Variants in RANBP2 observed in about 807,000 individuals in gnomAD.
RANBP2 encodes the protein RAN binding protein 2.
A neutral mutation model predicts 303.6 loss-of-function variants in RANBP2; 57 were observed. The observed-to-expected ratio is 0.19, with a 90% CI of 0.15 to 0.23. The LOEUF (loss-of-function observed/expected upper bound fraction) is 0.23, where lower values mean the gene tolerates loss of function less well. Among genes scored for constraint, RANBP2 ranks in the 10% least tolerant of loss-of-function variants. The pLI, the probability that RANBP2 is intolerant of heterozygous loss-of-function variation, is 1.00. For synonymous variants in RANBP2, 1,167 were observed against 1,301.5 expected, an observed-to-expected ratio of 0.90 and a Z score of 2.23; for missense variants, 3,138 against 3,780.8, an observed-to-expected ratio of 0.83 and a Z score of 4.46.
chr2:109,065,813 T>C, the RANBP2 span, among the ~76,000 whole-genome samples: 3 of 152,234 alleles, frequency 2.0e-5, no homozygotes, highest in Non-Finnish European at 4.4e-5. Flanking sequence ...GAGCTTCCTG[T>C]CATCTGCCTC....
At chr2:109,673,891 A>C in the RANBP2 span, among the ~76,000 whole-genome samples, 1 of 151,978 alleles carries the variant, frequency 6.6e-6, no homozygotes, top group Admixed American at 6.6e-5. Flanking sequence ...TTCCCCCTTC[A>C]TTTTGGCTAT....
At chr2:109,739,664 T>C in the RANBP2 span, among the ~76,000 whole-genome samples, 1 of 152,186 alleles carries the variant, frequency 6.6e-6, no homozygotes, top group South Asian at 2.1e-4. Context: ...TCATATCACC[T>C]GCAAACAAGG....
the RANBP2 span, among the ~76,000 whole-genome samples, chr2:109,232,033 T>C: frequency 1.2e-4 from 18 of 152,234 alleles, no homozygotes; most frequent in African/African-American, 3.6e-4. Flanking sequence ...ATCCGTTCAT[T>C]AGATGATGGA....
the RANBP2 span, among the ~76,000 whole-genome samples, chr2:109,656,000 T>C: frequency 2.6e-5 from 4 of 152,182 alleles, no homozygotes; most frequent in Non-Finnish European, 5.9e-5. Flanking sequence ...CAGTTTTGAT[T>C]TGTAAACTGC....
At chr2:109,137,561 A>G in the RANBP2 span, among the ~76,000 whole-genome samples, 3 of 152,244 alleles carry the variant, frequency 2.0e-5, no homozygotes, top group Non-Finnish European at 1.5e-5. Context: ...CCATCAAAGC[A>G]CACCACCTTA....
At chr2:109,519,159 T>A in the RANBP2 span, among the ~76,000 whole-genome samples, 1 of 152,028 alleles carries the variant, frequency 6.6e-6, no homozygotes, top group Non-Finnish European at 1.5e-5. Context: ...CCTCAGGTGA[T>A]CTGCCCACCT....
chr2:109,064,942 TA>T, the RANBP2 span, among the ~76,000 whole-genome samples: 1 of 152,170 alleles, frequency 6.6e-6, no homozygotes, highest in Non-Finnish European at 1.5e-5. Flanking sequence ...GATAATGAAA[TA>T]AAAATTTCAC....
the RANBP2 span, among the ~76,000 whole-genome samples, chr2:109,374,855 A>T: frequency 6.6e-6 from 1 of 152,170 alleles, no homozygotes; most frequent in Non-Finnish European, 1.5e-5. Context: ...GCTTCCCATC[A>T]GCGCAGCTCA....
the RANBP2 span, among the ~76,000 whole-genome samples, chr2:109,344,266 G>C: frequency 6.6e-6 from 1 of 152,216 alleles, no homozygotes; most frequent in African/African-American, 2.4e-5. Flanking sequence ...AGTTAGGATG[G>C]CTGGTGAGTG....
At chr2:108,881,021 T>C in the RANBP2 span, among the ~76,000 whole-genome samples, 1 of 152,214 alleles carries the variant, frequency 6.6e-6, no homozygotes, top group Non-Finnish European at 1.5e-5. Context: ...CTTTGAGGGG[T>C]TTAAGACTTC....
the RANBP2 span, among the ~76,000 whole-genome samples, chr2:109,358,431 G>A: frequency 6.6e-6 from 1 of 152,228 alleles, no homozygotes; most frequent in Non-Finnish European, 1.5e-5. Context: ...GTGATTACTA[G>A]TTTGCATGGT....
chr2:108,929,233 C>T, the RANBP2 span: 1 of 1,614,150 alleles, frequency 6.2e-7, no homozygotes, highest in Non-Finnish European at 8.5e-7. Flanking sequence ...CGTCATTCTC[C>T]ATGTCCCCTG....
chr2:108,830,033 T>C, the RANBP2 span, among the ~76,000 whole-genome samples: 1 of 152,120 alleles, frequency 6.6e-6, no homozygotes, highest in Non-Finnish European at 1.5e-5. Flanking sequence ...TGCTCATCCA[T>C]GGATGAGTGG....
chr2:108,939,190 G>A, the RANBP2 span, among the ~76,000 whole-genome samples: 2 of 151,674 alleles, frequency 1.3e-5, no homozygotes, highest in African/African-American at 4.9e-5. Flanking sequence ...TGTTGTTGTT[G>A]TTTTTGAGAT....
chr2:109,429,460 T>G, the RANBP2 span, among the ~76,000 whole-genome samples: 1 of 152,216 alleles, frequency 6.6e-6, no homozygotes, highest in Non-Finnish European at 1.5e-5. Context: ...AACTTAAAAT[T>G]TAAGATGAAG....
the RANBP2 span, among the ~76,000 whole-genome samples, chr2:109,432,983 A>T: frequency 6.6e-6 from 1 of 152,256 alleles, no homozygotes; most frequent in Admixed American, 6.5e-5. Context: ...GTGTGAGGAC[A>T]GTGTGTGCAC....
At chr2:109,500,995 C>T in the RANBP2 span, among the ~76,000 whole-genome samples, 1 of 152,218 alleles carries the variant, frequency 6.6e-6, no homozygotes. Flanking sequence ...AAGTACCTTT[C>T]ACACATCACA....
the RANBP2 span, among the ~76,000 whole-genome samples, chr2:109,591,581 A>C: frequency 1.3e-5 from 2 of 152,192 alleles, no homozygotes; most frequent in Non-Finnish European, 2.9e-5. Context: ...GGAGCACAGA[A>C]CTAAAGGAAA....
At chr2:109,331,977 G>C in the RANBP2 span, among the ~76,000 whole-genome samples, 1 of 152,188 alleles carries the variant, frequency 6.6e-6, no homozygotes, top group African/African-American at 2.4e-5. Context: ...TGCTGTGACT[G>C]TCTGTGACTA....
Sources: gnomAD v4.1 joint callset for allele counts (sites outside exome capture counted in the v4.1 genomes callset) on GRCh38, gnomAD v4.1.1 for gene constraint, MANE v1.5 for transcripts, NCBI Gene and HGNC (gene_info 2026-07-23, HGNC 2026-07-21) for gene names.